The following ZRANB3 variants were observed in gnomAD, a reference collection of about 807,000 sequenced individuals.
ZRANB3 encodes the protein zinc finger RANBP2-type containing 3, also known as DNA annealing helicase and endonuclease ZRANB3.
A neutral mutation model predicts 133.8 loss-of-function variants in ZRANB3; 125 were observed. The ratio of observed to expected loss-of-function variants is 0.93; its 90% CI spans 0.81 to 1.08. ZRANB3 has a LOEUF of 1.08. ZRANB3 is among the 50% of genes least tolerant of loss of function. ZRANB3 has a pLI of 0.00. For missense variants in ZRANB3, 1,229 were observed against 1,275.5 expected, an observed-to-expected ratio of 0.96 and a Z score of 0.56; for synonymous variants, 387 against 432.7, an observed-to-expected ratio of 0.89 and a Z score of 1.31.
chr2:135,494,732 T>A (rs1692587230), intron 2 of ZRANB3, among the ~76,000 whole-genome samples: 1 of 152,180 alleles, frequency 6.6e-6, no homozygotes, highest in Admixed American at 6.5e-5. Flanking sequence ...AAAGATTGCA[T>A]AATCTAAATC....
At chr2:135,519,915 G>A (rs1693853706) in intron 1 of ZRANB3, among the ~76,000 whole-genome samples, 1 of 152,084 alleles carries the variant, frequency 6.6e-6, no homozygotes, top group Admixed American at 6.6e-5. Flanking sequence ...ATTAACCAGA[G>A]AGGAAGGGAT....
chr2:135,294,902 C>T (rs1046764022), intron 8 of ZRANB3, among the ~76,000 whole-genome samples: 1 of 152,100 alleles, frequency 6.6e-6, no homozygotes, highest in South Asian at 2.1e-4. Context: ...CGTAGTTGAG[C>T]AGTTTTGAGT....
At chr2:135,314,929 T>C (rs567113988) in intron 7 of ZRANB3, among the ~76,000 whole-genome samples, 2 of 152,104 alleles carry the variant, frequency 1.3e-5, no homozygotes, top group East Asian at 1.9e-4. Flanking sequence ...TTTGTATTTT[T>C]AGTAGAGACG....
chr2:135,221,742 A>C (rs1694563005), intron 15 of ZRANB3, among the ~76,000 whole-genome samples: 1 of 152,124 alleles, frequency 6.6e-6, no homozygotes. Context: ...CCTCAAGATG[A>C]ATAAAGGAGT....
At chr2:135,307,694 A>T (rs1468086219) in intron 8 of ZRANB3, among the ~76,000 whole-genome samples, 1 of 152,086 alleles carries the variant, frequency 6.6e-6, no homozygotes, top group Non-Finnish European at 1.5e-5. Flanking sequence ...TATGTGTAGA[A>T]GGATAGTACA....
chr2:135,348,584 G>GT (rs1409210765), intron 5 of ZRANB3, among the ~76,000 whole-genome samples: 1 of 151,966 alleles, frequency 6.6e-6, no homozygotes, highest in Non-Finnish European at 1.5e-5. Context: ...TGAAATGTAT[G>GT]TATCTTTTGT....
At position 135,414,912 on chromosome 2, in the gene ZRANB3, C is replaced by T. The variant is rs372057354; in HGVS notation, c.162-24092G>A. 1.9e-3 allele frequency among the ~76,000 whole-genome samples: 296 copies of T among 152,064 alleles called. 5 individuals carry two copies. The East Asian group carries it at 0.05, about 26-fold the overall frequency. ...AGATGTTCTTTGAAACCAACGGGAA[C>T]AAAGACACAACATACCAGAATCTCT... On this transcript the variant is annotated intron_variant, in intron 2 of 20. Transcript: ENST00000264159.
At chr2:135,501,982 C>T (rs1466107705) in intron 2 of ZRANB3, among the ~76,000 whole-genome samples, 1 of 151,806 alleles carries the variant, frequency 6.6e-6, no homozygotes, top group Non-Finnish European at 1.5e-5. Flanking sequence ...ATTATGGAAG[C>T]CAGAAGACAG....
chr2:135,355,759 A>G (rs558533417), intron 3 of ZRANB3, among the ~76,000 whole-genome samples: 18 of 152,188 alleles, frequency 1.2e-4, no homozygotes, highest in Admixed American at 7.8e-4. Flanking sequence ...GCTTGGCCCT[A>G]TTTTTTGTGT....
At chr2:135,490,885 C>A (rs1342189813) in intron 2 of ZRANB3, among the ~76,000 whole-genome samples, 2 of 152,080 alleles carry the variant, frequency 1.3e-5, no homozygotes, top group Non-Finnish European at 2.9e-5. Flanking sequence ...ATAAGCCAAG[C>A]ACAGAAAGAC....
chr2:135,480,430 A>G (rs1691728822), intron 2 of ZRANB3, among the ~76,000 whole-genome samples: 1 of 152,146 alleles, frequency 6.6e-6, no homozygotes, highest in Non-Finnish European at 1.5e-5. Flanking sequence ...ATAAGACAAC[A>G]AAAACAGCAC....
At chr2:135,216,696 T>A (rs1481204763) in intron 17 of ZRANB3, among the ~76,000 whole-genome samples, 1 of 151,790 alleles carries the variant, frequency 6.6e-6, no homozygotes, top group African/African-American at 2.4e-5. Context: ...CGCCTTGGCC[T>A]CCCAAAGTGT....
chr2:135,358,800 C>T (rs553219396), intron 3 of ZRANB3, among the ~76,000 whole-genome samples: 1 of 152,066 alleles, frequency 6.6e-6, no homozygotes, highest in Non-Finnish European at 1.5e-5. Flanking sequence ...TGTTTACATG[C>T]AAGCCCTCTT....
At chr2:135,231,621 C>T (rs915742381) in intron 12 of ZRANB3, among the ~76,000 whole-genome samples, 1 of 151,966 alleles carries the variant, frequency 6.6e-6, no homozygotes, top group African/African-American at 2.4e-5. Flanking sequence ...AAACAAAAAA[C>T]AAACCCCAAA....
At chr2:135,494,509 A>C (rs1299731925) in intron 2 of ZRANB3, among the ~76,000 whole-genome samples, 2 of 152,186 alleles carry the variant, frequency 1.3e-5, no homozygotes, top group African/African-American at 2.4e-5. Flanking sequence ...GCTAAATCCA[A>C]GAGAGGGAAA....
chr2:135,224,277 G>C, intron 15 of ZRANB3, 149 bp downstream of exon 15: 2 of 628,734 alleles, frequency 3.2e-6, no homozygotes, highest in South Asian at 5.5e-5. Flanking sequence ...CTCATTGTCT[G>C]TAGATTTAAC....
At chr2:135,518,174 T>C (rs1182047279) in intron 1 of ZRANB3, among the ~76,000 whole-genome samples, 1 of 152,114 alleles carries the variant, frequency 6.6e-6, no homozygotes, top group African/African-American at 2.4e-5. Context: ...TTCAAGCCAG[T>C]GGATCTACTT....
At chr2:135,489,642 T>C (rs1349207545) in intron 2 of ZRANB3, among the ~76,000 whole-genome samples, 1 of 150,162 alleles carries the variant, frequency 6.7e-6, no homozygotes. Context: ...ATAAAAAAAA[T>C]ACATAAATAA....
chr2:135,431,929 C>G (rs974923911), intron 2 of ZRANB3, among the ~76,000 whole-genome samples: 7 of 151,968 alleles, frequency 4.6e-5, no homozygotes, highest in Admixed American at 3.3e-4. Flanking sequence ...AACTGCATAC[C>G]GTGAGCCGAG....
Sources: allele counts gnomAD v4.1 joint callset (sites outside exome capture counted in the v4.1 genomes callset), GRCh38; gene constraint gnomAD v4.1.1; transcripts MANE v1.5; gene names NCBI Gene and HGNC (gene_info 2026-07-23, HGNC 2026-07-21).